ARHGAP31: variants seen among roughly 807,000 people sequenced by gnomAD.
ARHGAP31 encodes Rho GTPase activating protein 31, also known as rho GTPase-activating protein 31.
In ARHGAP31, 34 loss-of-function variants were observed where a neutral mutation model predicts 113.9. The ratio of observed to expected loss-of-function variants is 0.30; its 90% CI spans 0.23 to 0.40. The LOEUF is 0.40. Ranked by LOEUF, ARHGAP31 falls within the 10% of genes least tolerant of loss-of-function variation. The pLI is 1.00. For synonymous variants in ARHGAP31, 650 were observed against 684.8 expected (o/e 0.95, Z 0.79); for missense variants, 1,548 against 1,767.1 (o/e 0.88, Z 2.22).
At chr3:119,370,403 G>A (rs2080288455) in intron 3 of ARHGAP31, among the ~76,000 whole-genome samples, 1 of 152,168 alleles carries the variant, frequency 6.6e-6, no homozygotes, top group African/African-American at 2.4e-5. Flanking sequence ...GTTGTGGTTT[G>A]TGTTTTGTTT....
chr3:119,370,092 A>G (rs2080285107), intron 3 of ARHGAP31, among the ~76,000 whole-genome samples: 1 of 152,156 alleles, frequency 6.6e-6, no homozygotes, highest in Non-Finnish European at 1.5e-5. Flanking sequence ...CTTTAGATCT[A>G]AGGCAGAAGG....
intron 2 of ARHGAP31, among the ~76,000 whole-genome samples, chr3:119,366,536 C>A (rs1038033624): frequency 5.9e-5 from 9 of 152,014 alleles, no homozygotes; most frequent in African/African-American, 2.2e-4. Context: ...TTTACTAGTA[C>A]TCCATTTATT....
In ARHGAP31 at chr3:119,400,461, A is replaced by T. The variant is rs1020669229; in HGVS notation, c.1069+1200A>T. On this transcript the variant is annotated intron_variant, in intron 9 of 11. Transcript: ENST00000264245. ...TGCACTCCAGCCTGTCTCAAAAAAA[A>T]AATAATAATAATTCTAAACCTGTAT... 3.8e-4 allele frequency among the ~76,000 whole-genome samples: 58 copies of T among 152,222 alleles called. 1 individual carries two copies. Among genetic ancestry groups the T allele is most frequent in the East Asian group, 3.9e-4 (2 of 5,188 alleles).
intron 1 of ARHGAP31, among the ~76,000 whole-genome samples, chr3:119,346,138 C>T (rs2080054568): frequency 6.6e-6 from 1 of 152,210 alleles, no homozygotes; most frequent in Non-Finnish European, 1.5e-5. Context: ...TCTGTGTTCC[C>T]ACCAGGGGCC....
intron 1 of ARHGAP31, among the ~76,000 whole-genome samples, chr3:119,304,872 G>A (rs902313913): frequency 2.0e-5 from 3 of 151,582 alleles, no homozygotes; most frequent in South Asian, 2.1e-4. Flanking sequence ...TCCAGCCTGA[G>A]TGACAGAGTG....
intron 1 of ARHGAP31, among the ~76,000 whole-genome samples, chr3:119,333,719 C>T (rs911909950): frequency 1.2e-4 from 18 of 152,312 alleles, no homozygotes; most frequent in African/African-American, 3.8e-4. Flanking sequence ...AGAGGCAGAA[C>T]AGAAGCAGGA....
At chr3:119,307,939 G>GAAAAAAAAAAAAAA (rs1559961514) in intron 1 of ARHGAP31, among the ~76,000 whole-genome samples, 2 of 1,646 alleles carry the variant, frequency 1.2e-3, no homozygotes, top group African/African-American at 3.5e-3. Context: ...TGAATTAACA[G>GAAAAAAAAAAAAAA]CAAAAAAAAA....
intron 1 of ARHGAP31, among the ~76,000 whole-genome samples, chr3:119,340,877 G>A (rs58374436): frequency 6.6e-6 from 1 of 151,852 alleles, no homozygotes; most frequent in African/African-American, 2.4e-5. Context: ...ATGTTTTTCC[G>A]AACACATATC....
rs760356067 is a variant in ARHGAP31 at position 119,416,118 on chromosome 3, T to C, written c.4189T>C (p.Trp1397Arg). ...LLCGELAENT[W>R]VTPEGVTLRN... is the part of the protein sequence containing the mutation. Reference sequence around the variant, plus strand: ...TTGTGGAGAGTTGGCAGAAAACACATGGGTCACACCAGAAGGGGTTACACT... The same window carrying C: ...TTGTGGAGAGTTGGCAGAAAACACACGGGTCACACCAGAAGGGGTTACACT... Residue 1397 changes from tryptophan to arginine, a missense_variant, in exon 12 of 12, where the codon TGG becomes CGG. Trp to Arg is a moderately radical substitution (Grantham distance 101). Transcript: ENST00000264245. 3.0e-5 allele frequency: 48 copies of C among 1,614,006 alleles called. No individual in the cohort carries two copies. The Admixed American group carries it at 7.8e-4, about 26-fold the overall frequency.
Position 119,402,154 on chromosome 3 carries a change from A to C in ARHGAP31, c.1402A>C (p.Ser468Arg), listed in dbSNP as rs1274872597. ...CAGCCCTAGCAAATCCGTCTTCACC[A>C]GCAGCCTCTTCCAGATGGAGCCCTC... ...NDSPSKSVFT[S>R]SLFQMEPSPR... The change falls in exon 10 of 12, where the codon AGC (serine) becomes CGC (arginine). Residue 468 changes from serine to arginine, a missense_variant. Coordinates refer to ENST00000264245, the MANE Select transcript of ARHGAP31 (RefSeq NM_020754.4). 1 of 1,614,142 alleles carries C rather than the reference A, an allele frequency of 6.2e-7. No homozygotes were observed. The highest frequency in any genetic ancestry group is 8.5e-7 in the Non-Finnish European group (1 of 1,180,046).
chr3:119,308,116 A>T (rs2079647485), intron 1 of ARHGAP31, among the ~76,000 whole-genome samples: 1 of 152,080 alleles, frequency 6.6e-6, no homozygotes, highest in Non-Finnish European at 1.5e-5. Flanking sequence ...TAGCAAGGTG[A>T]TCAGAAGAGT....
At chr3:119,299,368 T>C (rs1360852529) in intron 1 of ARHGAP31, among the ~76,000 whole-genome samples, 1 of 152,254 alleles carries the variant, frequency 6.6e-6, no homozygotes, top group Non-Finnish European at 1.5e-5. Context: ...ATTTTTTTCC[T>C]AGTTCTTACC....
In ARHGAP31 at chr3:119,416,237, T is replaced by TGGAAGAA; in HGVS notation, c.4310_4316dup (p.Ser1439ArgfsTer56). On this transcript the variant is annotated frameshift_variant, in exon 12 of 12. Coordinates refer to ENST00000264245, the MANE Select transcript of ARHGAP31 (RefSeq NM_020754.4). LOFTEE classifies it high-confidence loss of function. The stretch of plus-strand genomic sequence containing the variant: ...CTCAGCGGAGATCAGTAATTCTGGA[T>TGGAAGAA]GGAAGAAGTGGGAGGCAAATAGAAT... 6.2e-7 allele frequency: 1 copy of TGGAAGAA among 1,614,112 alleles called. No individual in the cohort carries two copies. The highest frequency in any genetic ancestry group is 8.5e-7 in the Non-Finnish European group (1 of 1,180,030).
chr3:119,400,759 A>T (rs2080597384), intron 9 of ARHGAP31, among the ~76,000 whole-genome samples: 1 of 152,216 alleles, frequency 6.6e-6, no homozygotes, highest in Admixed American at 6.5e-5. Context: ...TAAGATGCCC[A>T]GTTTAGTGCT....
chr3:119,309,585 T>C (rs1426351651), intron 1 of ARHGAP31, among the ~76,000 whole-genome samples: 1 of 131,300 alleles, frequency 7.6e-6, no homozygotes, highest in African/African-American at 2.7e-5. Flanking sequence ...CAAGACTCTG[T>C]CTCTACAAAA....
intron 1 of ARHGAP31, among the ~76,000 whole-genome samples, chr3:119,355,263 A>T (rs2080144989): frequency 6.6e-6 from 1 of 152,204 alleles, no homozygotes; most frequent in Admixed American, 6.5e-5. Context: ...AATGGAGATC[A>T]TTTTGTCTGT....
At chr3:119,344,153 A>G (rs1023354696) in intron 1 of ARHGAP31, among the ~76,000 whole-genome samples, 5 of 152,266 alleles carry the variant, frequency 3.3e-5, no homozygotes. Flanking sequence ...ACAACAAATC[A>G]TGTTTTAATC....
chr3:119,401,031 C>A (rs1445769383), intron 9 of ARHGAP31, among the ~76,000 whole-genome samples: 1 of 151,954 alleles, frequency 6.6e-6, no homozygotes, highest in South Asian at 2.1e-4. Flanking sequence ...ATTAGCCGGG[C>A]GCGGTGGCAG....
chr3:119,339,604 G>C (rs1173031627), intron 1 of ARHGAP31, among the ~76,000 whole-genome samples: 1 of 152,092 alleles, frequency 6.6e-6, no homozygotes, highest in African/African-American at 2.4e-5. Flanking sequence ...CCGACCCGCC[G>C]CATCTCCGAC....
Sources: gnomAD v4.1 joint callset for allele counts (sites outside exome capture counted in the v4.1 genomes callset) on GRCh38, gnomAD v4.1.1 for gene constraint, MANE v1.5 for transcripts, NCBI Gene and HGNC (gene_info 2026-07-23, HGNC 2026-07-21) for gene names.